The following LRRFIP1 variants were observed in gnomAD, a reference collection of about 807,000 sequenced individuals.
LRRFIP1 encodes leucine-rich repeat flightless-interacting protein 1.
Under a neutral mutation model 104.4 loss-of-function variants are expected in LRRFIP1, and 62 were observed. The ratio of observed to expected loss-of-function variants is 0.59; its 90% CI spans 0.48 to 0.73. The LOEUF (loss-of-function observed/expected upper bound fraction) is 0.73. LRRFIP1 is among the 30% of genes least tolerant of loss of function. The pLI is 0.00. For missense variants in LRRFIP1, 796 were observed against 824.5 expected, an observed-to-expected ratio of 0.97 and a Z score of 0.42; for synonymous variants, 300 against 299.0, an observed-to-expected ratio of 1.00 and a Z score of -0.03.
chr2:237,653,945 AAC>A (rs1453471822), intron 1 of LRRFIP1, among the ~76,000 whole-genome samples: 3 of 152,220 alleles, frequency 2.0e-5, no homozygotes, highest in African/African-American at 7.2e-5. Flanking sequence ...TTGTTCCAAA[AAC>A]AATGATTTTT....
chr2:237,714,166 A>G, intron 2 of LRRFIP1, 93 bp from the exon 3 acceptor site: 1 of 805,174 alleles, frequency 1.2e-6, no homozygotes, highest in Non-Finnish European at 2.0e-6. Flanking sequence ...GACTTGATTC[A>G]TATGTCTAGT....
chr2:237,700,408 G>A (rs1383339565), intron 1 of LRRFIP1, among the ~76,000 whole-genome samples: 2 of 152,188 alleles, frequency 1.3e-5, no homozygotes, highest in African/African-American at 2.4e-5. Flanking sequence ...ATTCACGTGA[G>A]TGAACTTGAA....
intron 1 of LRRFIP1, among the ~76,000 whole-genome samples, chr2:237,698,778 C>T (rs902983293): frequency 6.6e-6 from 1 of 152,092 alleles, no homozygotes; most frequent in Non-Finnish European, 1.5e-5. Context: ...TGAATTGTGC[C>T]GGGGCTGGTT....
In LRRFIP1 at chr2:237,737,683, C is replaced by A. The variant is rs74001286; in HGVS notation, c.556-1549C>A. 6.1e-3 allele frequency among the ~76,000 whole-genome samples: 922 copies of A among 152,300 alleles called. 7 individuals are homozygous for A. Among genetic ancestry groups the A allele is most frequent in the African/African-American group, 0.021 (856 of 41,560 alleles). On this transcript the variant is annotated intron_variant, in intron 10 of 23. Transcript: ENST00000308482. ...CATCAGGAAACCCTCAGGCAAAATT[C>A]TTCTGCTTTAAAGTGTTGACATTAA... is the stretch of plus-strand genomic sequence containing the variant.
intron 1 of LRRFIP1, among the ~76,000 whole-genome samples, chr2:237,698,808 A>G (rs1406135002): frequency 1.4e-5 from 2 of 139,740 alleles, no homozygotes; most frequent in African/African-American, 5.3e-5. Context: ...TGATGGAGAG[A>G]CGAGAGATCC....
intron 10 of LRRFIP1, among the ~76,000 whole-genome samples, chr2:237,737,492 A>G (rs2095288214): frequency 6.6e-6 from 1 of 152,166 alleles, no homozygotes; most frequent in Non-Finnish European, 1.5e-5. Context: ...TTTCTGCGTG[A>G]TTAGGTCCAG....
chr2:237,705,092 G>A (rs891806346), intron 1 of LRRFIP1, among the ~76,000 whole-genome samples: 18 of 152,130 alleles, frequency 1.2e-4, no homozygotes, highest in Admixed American at 1.1e-3. Flanking sequence ...GTGCAATACT[G>A]CACGCTCAGG....
Position 237,712,284 on chromosome 2 carries a change from A to G in LRRFIP1, c.184-1975A>G, listed in dbSNP as rs139618559. Among the ~76,000 whole-genome samples, 502 of 152,314 alleles carry G rather than the reference A, an allele frequency of 3.3e-3. 10 individuals are homozygous for G. In the East Asian group the frequency reaches 0.047, roughly 14 times the overall value. ...TCTTCCTAGCTCACCCCTCTGTCTC[A>G]AAATCAGTTCTGTACCAACAATAAA... On this transcript the variant is annotated intron_variant, in intron 2 of 23. Coordinates refer to ENST00000308482, the MANE Select transcript of LRRFIP1 (RefSeq NM_001137550.2).
intron 11 of LRRFIP1, among the ~76,000 whole-genome samples, chr2:237,741,241 C>CATG (rs2095407630): frequency 6.6e-6 from 1 of 152,238 alleles, no homozygotes; most frequent in Non-Finnish European, 1.5e-5. Context: ...TTCATTATGA[C>CATG]ATGATTTCCC....
intron 1 of LRRFIP1, among the ~76,000 whole-genome samples, chr2:237,669,098 A>G (rs1231825089): frequency 1.3e-5 from 2 of 152,196 alleles, no homozygotes; most frequent in African/African-American, 4.8e-5. Flanking sequence ...AGGATGCACC[A>G]TCACGTCCTC....
In LRRFIP1 at chr2:237,661,100, G is replaced by C. The variant is rs371073274; in HGVS notation, c.96+33360G>C. Among the ~76,000 whole-genome samples, 2 of 152,224 alleles carry C rather than the reference G, an allele frequency of 1.3e-5. No homozygotes were observed. The highest frequency in any genetic ancestry group is 3.9e-4 in the East Asian group (2 of 5,174). ...CCCACCGCTTCCTGGGTTGGGCTGC[G>C]GGGAGAGGCCTTGCTACAGTGGGTG... On this transcript the variant is annotated intron_variant, in intron 1 of 23. Coordinates refer to ENST00000308482, the MANE Select transcript of LRRFIP1 (RefSeq NM_001137550.2). The surrounding 1 kb of genome is among the most constrained non-coding windows in gnomAD (Gnocchi z 4.4).
chr2:237,721,189 A>G (rs369732443), intron 6 of LRRFIP1: 41 of 189,484 alleles, frequency 2.2e-4, no homozygotes, highest in Middle Eastern at 2.4e-3. Context: ...ACTGACACCC[A>G]TGCTCCTGGT....
At chr2:237,668,805 T>C (rs1383068242) in intron 1 of LRRFIP1, among the ~76,000 whole-genome samples, 1 of 152,232 alleles carries the variant, frequency 6.6e-6, no homozygotes, top group East Asian at 1.9e-4. Flanking sequence ...ATATTTATTA[T>C]ATTAAACGTA....
chr2:237,694,880 A>G (rs898849345), intron 1 of LRRFIP1, among the ~76,000 whole-genome samples: 1 of 152,116 alleles, frequency 6.6e-6, no homozygotes, highest in Non-Finnish European at 1.5e-5. Context: ...CCACATACTG[A>G]TTAGCATTCA....
At chr2:237,738,297 A>G (rs1202475966) in intron 10 of LRRFIP1, among the ~76,000 whole-genome samples, 1 of 152,080 alleles carries the variant, frequency 6.6e-6, no homozygotes, top group African/African-American at 2.4e-5. Flanking sequence ...CCCTGAAGAT[A>G]TGGGCTTCCT....
At chr2:237,690,212 CTCTGGGAGA>C (rs2092671751) in intron 1 of LRRFIP1, among the ~76,000 whole-genome samples, 1 of 152,290 alleles carries the variant, frequency 6.6e-6, no homozygotes, top group Non-Finnish European at 1.5e-5. Flanking sequence ...CAGTACCCTG[CTCTGGGAGA>C]TGTGGTCACA....
chr2:237,763,568 G>A (rs1559831166), intron 19 of LRRFIP1: 4 of 1,613,042 alleles, frequency 2.5e-6, no homozygotes, highest in Non-Finnish European at 2.5e-6. Flanking sequence ...CAGAAAGTCA[G>A]CAGTGGAAGC....
chr2:237,761,670 A>C (rs2059887666), intron 19 of LRRFIP1, among the ~76,000 whole-genome samples: 1 of 152,228 alleles, frequency 6.6e-6, no homozygotes, highest in South Asian at 2.1e-4. Flanking sequence ...TACGTTATAA[A>C]ATATATGCAA....
chr2:237,768,700 G>C (rs1193668915), intron 19 of LRRFIP1: 1 of 151,848 alleles, frequency 6.6e-6, no homozygotes, highest in Non-Finnish European at 1.5e-5. Context: ...GGTGTTTACT[G>C]TGCCTTTCAA....
Sources: gnomAD v4.1 joint callset for allele counts (sites outside exome capture counted in the v4.1 genomes callset) on GRCh38, gnomAD v4.1.1 for gene constraint, Gnocchi (gnomAD v3.1) non-coding constraint, MANE v1.5 for transcripts, NCBI Gene and HGNC (gene_info 2026-07-23, HGNC 2026-07-21) for gene names.